The following ADGRV1 variants were observed in gnomAD, a reference collection of about 807,000 sequenced individuals.
ADGRV1 encodes the protein adhesion G protein-coupled receptor V1.
A neutral mutation model predicts 596.2 loss-of-function variants in ADGRV1; 359 were observed. That is an observed-to-expected ratio of 0.60 (90% CI 0.55 to 0.66). The LOEUF is 0.66. Ranked by LOEUF, ADGRV1 falls within the 30% of genes least tolerant of loss-of-function variation. ADGRV1 has a pLI of 0.00. For synonymous variants in ADGRV1, 2,681 were observed against 2,679.2 expected, an observed-to-expected ratio of 1.00 and a Z score of -0.02; for missense variants, 7,274 against 7,575.6, an observed-to-expected ratio of 0.96 and a Z score of 1.48.
intron 85 of ADGRV1, among the ~76,000 whole-genome samples, chr5:91,050,465 A>G (rs565095608): frequency 1.3e-5 from 2 of 152,268 alleles, no homozygotes; most frequent in Admixed American, 1.3e-4. Flanking sequence ...AATATCAGGT[A>G]TAGTATGTAT....
At chr5:90,673,985 G>A in intron 22 of ADGRV1, 69 bp from the exon 23 acceptor site, 2 of 1,142,898 alleles carry the variant, frequency 1.7e-6, no homozygotes, top group Non-Finnish European at 2.5e-6. Context: ...GTTGCCTTTT[G>A]AATTTTCTTC....
intron 42 of ADGRV1, among the ~76,000 whole-genome samples, chr5:90,713,119 T>C (rs2149726105): frequency 6.6e-6 from 1 of 152,286 alleles, no homozygotes; most frequent in East Asian, 1.9e-4. Flanking sequence ...GATTGAATGC[T>C]GACTGACCCT....
At chr5:90,907,178 T>C (rs1772407148) in intron 83 of ADGRV1, among the ~76,000 whole-genome samples, 1 of 152,200 alleles carries the variant, frequency 6.6e-6, no homozygotes, top group Non-Finnish European at 1.5e-5. Flanking sequence ...CCTCATGGTG[T>C]ACATATTTTA....
chr5:90,704,635 A>C, intron 36 of ADGRV1, 147 bp downstream of exon 36: 1 of 542,400 alleles, frequency 1.8e-6, no homozygotes, highest in Non-Finnish European at 3.3e-6. Flanking sequence ...TAGATCAAAA[A>C]AAATTAGCAC....
At chr5:90,699,726 A>T (rs1474772970) in intron 34 of ADGRV1, among the ~76,000 whole-genome samples, 1 of 152,190 alleles carries the variant, frequency 6.6e-6, no homozygotes, top group Non-Finnish European at 1.5e-5. Flanking sequence ...GCTGGGTACC[A>T]CAACATCTTG....
rs140272663 is a variant in ADGRV1 at position 90,767,091 on chromosome 5, G to A, written c.12285+3622G>A. Among the ~76,000 whole-genome samples, 57 of 152,236 alleles carry A rather than the reference G, an allele frequency of 3.7e-4. 1 individual carries two copies. In the East Asian group the frequency reaches 0.01, roughly 27 times the overall value. On this transcript the variant is annotated intron_variant, in intron 59 of 89. Coordinates refer to ENST00000405460, the MANE Select transcript of ADGRV1 (RefSeq NM_032119.4). ...ACAATCTGATTATAAAATATACATGGAAATACAAAATGCCAAGAATAGCCA... is the reference window on the plus strand; with the variant it reads ...ACAATCTGATTATAAAATATACATGAAAATACAAAATGCCAAGAATAGCCA...
At position 90,683,295 on chromosome 5, in the gene ADGRV1, C is replaced by T. The variant is rs188026484; in HGVS notation, c.5665-291C>T. 4.3e-3 allele frequency among the ~76,000 whole-genome samples: 654 copies of T among 152,156 alleles called. 17 individuals carry two copies. Among genetic ancestry groups the T allele is most frequent in the Non-Finnish European group, 1.3e-3 (89 of 67,990 alleles). Reference sequence around the variant, plus strand: ...ACACCATCATAGCTGACTGCAGCCTCGAAGTCCTGGGCTCCAGGGACCCTT... The same window carrying T: ...ACACCATCATAGCTGACTGCAGCCTTGAAGTCCTGGGCTCCAGGGACCCTT... On this transcript the variant is annotated intron_variant, in intron 27 of 89. Transcript: ENST00000405460.
chr5:90,686,406 T>G lies in ADGRV1; in HGVS notation c.6490+411T>G, dbSNP rs575876715. On this transcript the variant is annotated intron_variant, in intron 29 of 89. Coordinates refer to ENST00000405460, the MANE Select transcript of ADGRV1 (RefSeq NM_032119.4). ...CAGTCCCCAGAGTGTGATGTTCCCC[T>G]TTCTGTGTCCATGTGTTCTCATTGT... Among the ~76,000 whole-genome samples, 99 of 152,198 alleles carry G rather than the reference T, an allele frequency of 6.5e-4. 1 individual carries two copies. Among genetic ancestry groups the G allele is most frequent in the African/African-American group, 2.3e-3 (95 of 41,514 alleles).
At chr5:91,127,184 C>A (rs1677659881) in intron 87 of ADGRV1, among the ~76,000 whole-genome samples, 1 of 152,100 alleles carries the variant, frequency 6.6e-6, no homozygotes, top group African/African-American at 2.4e-5. Context: ...GGGCTAGTTG[C>A]TATTATCCCT....
intron 75 of ADGRV1, among the ~76,000 whole-genome samples, chr5:90,819,695 G>C (rs1352280562): frequency 7.9e-5 from 12 of 151,636 alleles, no homozygotes; most frequent in African/African-American, 2.9e-4. Context: ...TTCAGGAGCA[G>C]GTTGTTCAGT....
At chr5:90,581,795 C>CT (rs1758097442) in intron 1 of ADGRV1, among the ~76,000 whole-genome samples, 1 of 152,180 alleles carries the variant, frequency 6.6e-6, no homozygotes, top group Non-Finnish European at 1.5e-5. Flanking sequence ...AGACAGGGCT[C>CT]TAACTTCTTG....
intron 1 of ADGRV1, among the ~76,000 whole-genome samples, chr5:90,608,314 G>A (rs1235606803): frequency 3.9e-5 from 6 of 151,988 alleles, no homozygotes; most frequent in African/African-American, 1.4e-4. Context: ...GCACATTGAA[G>A]GGAATTTACA....
rs547677958 is a variant in ADGRV1 at position 91,002,565 on chromosome 5, T to C, written c.18152+17043T>C. ...TTTCCTTTGGGTTTGTCTTCTTGGA[T>C]CCTATTTAGACTTCCAAGCCATTTT... On this transcript the variant is annotated intron_variant, in intron 85 of 89. Coordinates refer to ENST00000405460, the MANE Select transcript of ADGRV1 (RefSeq NM_032119.4). Among the ~76,000 whole-genome samples the C allele has an allele frequency of 2.4e-4, 37 of 152,286 alleles. No homozygotes were observed. In the South Asian group the frequency reaches 7.5e-3, roughly 31 times the overall value.
intron 1 of ADGRV1, among the ~76,000 whole-genome samples, chr5:90,602,283 G>GT (rs1328391332): frequency 6.6e-6 from 1 of 152,208 alleles, no homozygotes; most frequent in Non-Finnish European, 1.5e-5. Flanking sequence ...ACGGAAAACA[G>GT]TAAGAAATTT....
chr5:90,595,966 G>A (rs969028484), intron 1 of ADGRV1, among the ~76,000 whole-genome samples: 4 of 150,526 alleles, frequency 2.7e-5, no homozygotes, highest in Admixed American at 6.6e-5. Context: ...GGTGGCTGCC[G>A]GGCGGAGAGG....
chr5:90,574,486 G>A (rs1756950683), intron 1 of ADGRV1, among the ~76,000 whole-genome samples: 2 of 152,118 alleles, frequency 1.3e-5, no homozygotes, highest in South Asian at 2.1e-4. Flanking sequence ...ACTGATTTTT[G>A]TACATTGATT....
intron 21 of ADGRV1, among the ~76,000 whole-genome samples, chr5:90,663,621 G>A (rs1334316532): frequency 7.2e-5 from 11 of 152,186 alleles, no homozygotes; most frequent in East Asian, 1.9e-4. Flanking sequence ...GTTTAATTAG[G>A]TCCCATTTGT....
chr5:90,873,612 T>C (rs1447028237), intron 83 of ADGRV1, among the ~76,000 whole-genome samples: 1 of 152,092 alleles, frequency 6.6e-6, no homozygotes, highest in Non-Finnish European at 1.5e-5. Flanking sequence ...AAAGTATAGA[T>C]TTCTTTACAA....
chr5:90,671,653 T>G (rs1279991125), intron 21 of ADGRV1, among the ~76,000 whole-genome samples: 1 of 152,252 alleles, frequency 6.6e-6, no homozygotes, highest in Non-Finnish European at 1.5e-5. Context: ...GAGATGCTTA[T>G]GGTTCATATG....
Sources: gnomAD v4.1 joint callset for allele counts (sites outside exome capture counted in the v4.1 genomes callset) on GRCh38, gnomAD v4.1.1 for gene constraint, MANE v1.5 for transcripts, NCBI Gene and HGNC (gene_info 2026-07-23, HGNC 2026-07-21) for gene names.